The following CSMD1 variants were observed in gnomAD, a reference collection of about 807,000 sequenced individuals.
CSMD1 encodes the protein CUB and sushi domain-containing protein 1.
A neutral mutation model predicts 417.5 loss-of-function variants in CSMD1; 213 were observed. The ratio of observed to expected loss-of-function variants is 0.51; its 90% CI spans 0.46 to 0.57. The LOEUF (loss-of-function observed/expected upper bound fraction) is 0.57, where lower values mean the gene tolerates loss of function less well. Ranked by LOEUF, CSMD1 falls within the 20% of genes least tolerant of loss-of-function variation. CSMD1 has a pLI of 0.00. For synonymous variants in CSMD1, 2,862 were observed against 1,736.8 expected (o/e 1.65, Z -16.11); for missense variants, 6,923 against 4,529.7 (o/e 1.53, Z -15.17).
At chr8:4,543,681 A>G (rs1269516464) in intron 2 of CSMD1, among the ~76,000 whole-genome samples, 2 of 142,458 alleles carry the variant, frequency 1.4e-5, no homozygotes, top group Middle Eastern at 3.2e-3. Context: ...GAAAAAAAAA[A>G]AAAAAAAAAA....
chr8:4,917,401 A>G (rs1208068135), intron 1 of CSMD1, among the ~76,000 whole-genome samples: 10 of 152,176 alleles, frequency 6.6e-5, no homozygotes, highest in East Asian at 1.9e-4. Context: ...TTGGGAGGCC[A>G]AGGTGGGCAG....
At chr8:4,685,539 G>A (rs1180258134) in intron 1 of CSMD1, among the ~76,000 whole-genome samples, 1 of 152,052 alleles carries the variant, frequency 6.6e-6, no homozygotes, top group Non-Finnish European at 1.5e-5. Flanking sequence ...TCACACCACT[G>A]CACTGCAGCC....
chr8:3,500,483 G>C (rs534839671), intron 10 of CSMD1, among the ~76,000 whole-genome samples: 1 of 152,308 alleles, frequency 6.6e-6, no homozygotes, highest in Admixed American at 6.5e-5. Flanking sequence ...GACTCTGTCA[G>C]AGTATCAAAG....
chr8:3,488,318 G>C (rs1018712615), intron 11 of CSMD1, among the ~76,000 whole-genome samples: 14 of 151,960 alleles, frequency 9.2e-5, no homozygotes, highest in African/African-American at 2.9e-4. Context: ...CTGTTGCCCA[G>C]GTTGGTCTCA....
intron 49 of CSMD1, among the ~76,000 whole-genome samples, chr8:3,078,376 T>C (rs371956096): frequency 3.3e-5 from 5 of 152,246 alleles, no homozygotes; most frequent in East Asian, 1.9e-4. Context: ...AAATGCGTTA[T>C]TTAATTTAAT....
intron 1 of CSMD1, among the ~76,000 whole-genome samples, chr8:4,931,818 T>C (rs1807268877): frequency 6.6e-6 from 1 of 152,190 alleles, no homozygotes; most frequent in Non-Finnish European, 1.5e-5. Flanking sequence ...TTTTAGCTTG[T>C]TAAGAGTTTT....
intron 32 of CSMD1, 116 bp from the exon 33 acceptor site, chr8:3,199,925 C>T: frequency 1.6e-6 from 1 of 613,304 alleles, no homozygotes; most frequent in South Asian, 2.2e-5. Context: ...ACTTTTAAAA[C>T]ATTTTCACTT....
intron 3 of CSMD1, among the ~76,000 whole-genome samples, chr8:4,173,773 A>T (rs1020972335): frequency 6.6e-6 from 1 of 152,138 alleles, no homozygotes; most frequent in African/African-American, 2.4e-5. Context: ...AAAGTAACTC[A>T]TTCTATGACT....
At chr8:4,164,539 C>T (rs778939018) in intron 3 of CSMD1, among the ~76,000 whole-genome samples, 2 of 152,104 alleles carry the variant, frequency 1.3e-5, no homozygotes, top group Non-Finnish European at 2.9e-5. Context: ...TAGATATAAG[C>T]TGTTGTATAA....
chr8:4,034,790 C>T (rs1232240189), intron 3 of CSMD1, among the ~76,000 whole-genome samples: 1 of 152,162 alleles, frequency 6.6e-6, no homozygotes, highest in African/African-American at 2.4e-5. Context: ...TTAACTGCTA[C>T]TGCTAATTCT....
chr8:2,954,297 TA>T (rs764920913), intron 64 of CSMD1, 29 bp from the exon 65 acceptor site: 16 of 1,280,752 alleles, frequency 1.2e-5, no homozygotes, highest in East Asian at 1.0e-4. Flanking sequence ...ATTATCATTT[TA>T]AAAAAAACAT....
chr8:3,435,832 G>A lies in CSMD1; in HGVS notation c.1562-26227C>T, dbSNP rs564468592. Among the ~76,000 whole-genome samples, 8 of 152,298 alleles carry A rather than the reference G, an allele frequency of 5.3e-5. No individual in the cohort carries two copies. In the South Asian group the frequency reaches 1.0e-3, roughly 20 times the overall value. On this transcript the variant is annotated intron_variant, in intron 12 of 69. Coordinates refer to ENST00000635120, the MANE Select transcript of CSMD1 (RefSeq NM_033225.6). ...ATTGCAGAGTGACAAGAGAAACATG[G>A]CAGGGGGCTGATGCCTTGATTCCTC...
At chr8:4,030,792 C>G (rs1477906359) in intron 4 of CSMD1, among the ~76,000 whole-genome samples, 4 of 152,112 alleles carry the variant, frequency 2.6e-5, no homozygotes, top group Admixed American at 6.5e-5. Flanking sequence ...CTTTGCTTGC[C>G]TTATAAAACT....
At chr8:4,176,079 T>C (rs541626201) in intron 3 of CSMD1, among the ~76,000 whole-genome samples, 3 of 152,232 alleles carry the variant, frequency 2.0e-5, no homozygotes, top group Non-Finnish European at 2.9e-5. Flanking sequence ...TGTGGAACCC[T>C]TGCAGAATCA....
chr8:4,285,828 G>A (rs905170025), intron 3 of CSMD1, among the ~76,000 whole-genome samples: 11 of 152,152 alleles, frequency 7.2e-5, no homozygotes, highest in African/African-American at 2.7e-4. Flanking sequence ...AAGATCATGT[G>A]TCCTTGGCTA....
chr8:3,092,971 T>C (rs1031347379), intron 47 of CSMD1, among the ~76,000 whole-genome samples: 16 of 152,198 alleles, frequency 1.1e-4, no homozygotes, highest in Admixed American at 3.9e-4. Context: ...CCTAAAATTT[T>C]ATTTGTGCAA....
At chr8:4,761,070 G>A (rs1812009945) in intron 1 of CSMD1, among the ~76,000 whole-genome samples, 2 of 152,092 alleles carry the variant, frequency 1.3e-5, no homozygotes, top group South Asian at 4.2e-4. Flanking sequence ...ATTATTAGCA[G>A]AAGTATGTGT....
intron 3 of CSMD1, among the ~76,000 whole-genome samples, chr8:4,347,800 A>G (rs968300859): frequency 6.6e-6 from 1 of 152,140 alleles, no homozygotes; most frequent in Non-Finnish European, 1.5e-5. Flanking sequence ...AATAAAATCT[A>G]TAATCACTTA....
chr8:3,618,471 G>GTTT (rs141443972), intron 7 of CSMD1, among the ~76,000 whole-genome samples: 2 of 151,578 alleles, frequency 1.3e-5, no homozygotes, highest in African/African-American at 2.4e-5. Context: ...TTTAAAATAA[G>GTTT]TTTTTTTTAA....
Sources: allele counts gnomAD v4.1 joint callset (sites outside exome capture counted in the v4.1 genomes callset), GRCh38; gene constraint gnomAD v4.1.1; transcripts MANE v1.5; gene names NCBI Gene and HGNC (gene_info 2026-07-23, HGNC 2026-07-21).